The following HHIPL1 variants were observed in gnomAD, a reference collection of about 807,000 sequenced individuals.
HHIPL1 encodes HHIP-like protein 1.
HHIPL1 carries 43 observed loss-of-function variants against 61.8 expected under a neutral mutation model. That is an observed-to-expected ratio of 0.70 (90% confidence interval 0.55 to 0.90). The LOEUF is 0.90. Among genes scored for constraint, HHIPL1 ranks in the 40% least tolerant of loss-of-function variants. The probability of loss-of-function intolerance (pLI) is 0.00; values close to 1 mark genes in which losing one functional copy is unlikely to be tolerated. For missense variants in HHIPL1, 1,056 were observed against 1,157.7 expected, an observed-to-expected ratio of 0.91 and a Z score of 1.28; for synonymous variants, 482 against 515.8, an observed-to-expected ratio of 0.93 and a Z score of 0.89.
At chr14:99,637,000 G>GA in the HHIPL1 span, among the ~76,000 whole-genome samples, 110 of 76,980 alleles carry the variant, frequency 1.4e-3, 1 homozygote, top group African/African-American at 4.4e-3. Flanking sequence ...AAGAAAGAAA[G>GA]AAGAAAGAAA....
chr14:99,658,777 C>A (rs77059227), intron 3 of HHIPL1, among the ~76,000 whole-genome samples: 135 of 150,454 alleles, frequency 9.0e-4, no homozygotes, highest in African/African-American at 3.3e-3. Context: ...CACCAACCCG[C>A]ACGCTGGTGC....
intron 6 of HHIPL1, among the ~76,000 whole-genome samples, chr14:99,667,686 C>A (rs181219503): frequency 6.6e-6 from 1 of 152,178 alleles, no homozygotes; most frequent in Non-Finnish European, 1.5e-5. Flanking sequence ...GCCCAAATCC[C>A]GGATGACGCC....
intron 3 of HHIPL1, 92 bp from the exon 4 acceptor site, chr14:99,659,336 G>A (rs1180223905): frequency 6.7e-6 from 7 of 1,044,088 alleles, no homozygotes; most frequent in Middle Eastern, 3.2e-4. Flanking sequence ...CTGGCTCAGC[G>A]GTCAGCCGGC....
At chr14:99,657,922 C>T (rs1029604735) in intron 3 of HHIPL1, among the ~76,000 whole-genome samples, 2 of 146,522 alleles carry the variant, frequency 1.4e-5, no homozygotes, top group Non-Finnish European at 2.9e-5. Context: ...CACACATACA[C>T]ACATACATAC....
the HHIPL1 span, among the ~76,000 whole-genome samples, chr14:99,620,558 G>T: frequency 6.6e-6 from 1 of 152,370 alleles, no homozygotes; most frequent in Admixed American, 6.5e-5. Context: ...TCCCCGCAGG[G>T]GGGCTAAGGG....
upstream of HHIPL1, chr14:99,645,043 G>C: frequency 1.9e-6 from 1 of 534,518 alleles, no homozygotes; most frequent in Non-Finnish European, 2.8e-6. Flanking sequence ...CTTCAGTCCC[G>C]CCGAGTGTCC....
At position 99,671,018 on chromosome 14, in the gene HHIPL1, G is replaced by A. The variant is rs549162528; in HGVS notation, c.1731-1299G>A. ...CCATGTCATAGAGAGGGACCCCAAC[G>A]AGACTTAAGGAGTTCTCTCGCTCAC... On this transcript the variant is annotated intron_variant, in intron 7 of 8. Transcript: ENST00000330710. Among the ~76,000 whole-genome samples the A allele has an allele frequency of 7.9e-5, 12 of 152,204 alleles. No homozygotes were observed. In the South Asian group the frequency reaches 1.2e-3, roughly 16 times the overall value.
intron 8 of HHIPL1, among the ~76,000 whole-genome samples, chr14:99,674,814 A>G (rs2056367249): frequency 6.6e-6 from 1 of 152,176 alleles, no homozygotes; most frequent in African/African-American, 2.4e-5. Context: ...CAGCAACAGC[A>G]GACTGGCACA....
chr14:99,645,413 C>A lies in HHIPL1; in HGVS notation c.206C>A (p.Ala69Asp), dbSNP rs1307215368. Reference protein sequence around the residue: ...RFWALASRVDAAEWAACAGYA... With the variant: ...RFWALASRVDDAEWAACAGYA... ...TGGGCCCTGGCGAGCCGCGTGGACG[C>A]CGCCGAGTGGGCCGCGTGCGCCGGC... The change falls in exon 1 of 9, where the codon GCC becomes GAC. Residue 69 changes from alanine (A) to aspartate (D), a missense_variant. Coordinates refer to ENST00000330710, the MANE Select transcript of HHIPL1 (RefSeq NM_001127258.3). The A allele has an allele frequency of 7.2e-7, 1 of 1,395,828 alleles. No individual in the cohort carries two copies. The highest frequency in any genetic ancestry group is 9.3e-7 in the Non-Finnish European group (1 of 1,078,690). The allele number at this position is 1,395,828 out of a possible 1,614,324, so 86.5% of individuals were successfully genotyped here.
rs1389072206 is a variant in HHIPL1, at chr14:99,660,245, GGC to G, written c.1376-34_1376-33del. ...CTGGCTGATGAACCTTCCCGCCGCT[GGC>G]TCACCGAAGCTTCTCTCCCTCCCAC... is the stretch of plus-strand genomic sequence containing the variant. On this transcript the variant is annotated intron_variant, in intron 4 of 8. Transcript: ENST00000330710. This position sits in a 1 kb window ranked among gnomAD's most constrained non-coding sequence, Gnocchi z 4.9. 1.2e-6 allele frequency: 2 copies of G among 1,612,950 alleles called. No individual in the cohort carries two copies. Among genetic ancestry groups the G allele is most frequent in the African/African-American group, 2.7e-5 (2 of 74,762 alleles).
At position 99,675,406 on chromosome 14, in the gene HHIPL1, C is replaced by A. The variant is rs1566819423; in HGVS notation, c.2129C>A (p.Ala710Asp). 4.6e-6 allele frequency: 7 copies of A among 1,529,224 alleles called. No individual in the cohort carries two copies. The Admixed American group carries it at 1.4e-4, about 30-fold the overall frequency. The allele number at this position is 1,529,224 out of a possible 1,614,324, so 94.7% of individuals were successfully genotyped here. The change falls in exon 9 of 9, where the codon GCC becomes GAC. Residue 710 changes from alanine (A) to aspartate (D), a missense_variant. Physicochemically the swap from Ala to Asp is moderately radical, Grantham distance 126 (BLOSUM62 -2). Transcript: ENST00000330710. The surrounding 1 kb of genome is among the most constrained non-coding windows in gnomAD (Gnocchi z 5.4). ...GACTCCTGGAACATCAGCGGCGCCG[C>A]CGTCGTGTGTCGCCAGCTGGGGTTT... ...CDDSWNISGA[A>D]VVCRQLGFAY...
At chr14:99,671,729 C>T (rs537081521) in intron 7 of HHIPL1, among the ~76,000 whole-genome samples, 3 of 152,244 alleles carry the variant, frequency 2.0e-5, no homozygotes, top group African/African-American at 7.2e-5. Flanking sequence ...TGTCTCCCTG[C>T]TCTCTCACAC....
the HHIPL1 span, among the ~76,000 whole-genome samples, chr14:99,608,426 T>C: frequency 1.3e-5 from 2 of 152,236 alleles, no homozygotes; most frequent in Admixed American, 6.5e-5. Context: ...CCTTCGAGGA[T>C]TGAACATGGG....
the HHIPL1 span, among the ~76,000 whole-genome samples, chr14:99,637,656 C>A: frequency 6.6e-6 from 1 of 152,150 alleles, no homozygotes; most frequent in Non-Finnish European, 1.5e-5. Context: ...GATCTGTCTT[C>A]TCTGTGGAAC....
Position 99,655,673 on chromosome 14 carries a change from G to A in HHIPL1, c.903-1327G>A, listed in dbSNP as rs371872712. On this transcript the variant is annotated intron_variant, in intron 2 of 8. Coordinates refer to ENST00000330710, the MANE Select transcript of HHIPL1 (RefSeq NM_001127258.3). ...GATTGAGAAATCAGTGACCGATCCT[G>A]GAAAACCTAAACCACCCTAAGTATT... Among the ~76,000 whole-genome samples, 82 of 152,256 alleles carry A rather than the reference G, an allele frequency of 5.4e-4. 2 individuals carry two copies. The South Asian group carries it at 0.015, about 27-fold the overall frequency.
chr14:99,626,233 GC>G, the HHIPL1 span, among the ~76,000 whole-genome samples: 7 of 151,822 alleles, frequency 4.6e-5, no homozygotes, highest in Non-Finnish European at 7.4e-5. Flanking sequence ...ATGCTTGCTG[GC>G]CATGGGGATA....
At chr14:99,623,932 C>G in the HHIPL1 span, among the ~76,000 whole-genome samples, 1 of 152,282 alleles carries the variant, frequency 6.6e-6, no homozygotes, top group South Asian at 2.1e-4. Flanking sequence ...AATATTTTGT[C>G]TAGGAGAGGG....
chr14:99,656,118 C>T (rs772131964), intron 2 of HHIPL1, among the ~76,000 whole-genome samples: 13 of 152,180 alleles, frequency 8.5e-5, no homozygotes, highest in East Asian at 1.9e-4. Context: ...TCCTGCCCAC[C>T]GTTAGAAGCT....
the HHIPL1 span, among the ~76,000 whole-genome samples, chr14:99,632,273 ATCT>A: frequency 2.0e-5 from 3 of 152,156 alleles, no homozygotes; most frequent in Non-Finnish European, 4.4e-5. Context: ...CCTAGCAGGA[ATCT>A]TCTTACCTGC....
Sources: allele counts gnomAD v4.1 joint callset (sites outside exome capture counted in the v4.1 genomes callset), GRCh38; gene constraint gnomAD v4.1.1; non-coding constraint Gnocchi (gnomAD v3.1); transcripts MANE v1.5; gene names NCBI Gene and HGNC (gene_info 2026-07-23, HGNC 2026-07-21).